TMEM25: variants seen among roughly 807,000 people sequenced by gnomAD.
TMEM25 encodes transmembrane protein 25.
Under a neutral mutation model 37.0 loss-of-function variants are expected in TMEM25, and 36 were observed. The ratio of observed to expected loss-of-function variants is 0.97; its 90% CI spans 0.75 to 1.28. The LOEUF (loss-of-function observed/expected upper bound fraction) is 1.28. Among genes scored for constraint, TMEM25 ranks in the 50% most tolerant of loss-of-function variants. The pLI, the probability that TMEM25 is intolerant of heterozygous loss-of-function variation, is 0.00. For synonymous variants in TMEM25, 197 were observed against 203.7 expected, an observed-to-expected ratio of 0.97 and a Z score of 0.28; for missense variants, 444 against 477.9, an observed-to-expected ratio of 0.93 and a Z score of 0.66.
At chr11:118,531,698 C>A (rs537577833) in intron 1 of TMEM25, 77 bp from the exon 2 acceptor site, 11 of 1,113,264 alleles carry the variant, frequency 9.9e-6, no homozygotes, top group Non-Finnish European at 1.4e-5. Context: ...CTTTTTGTTT[C>A]TGGAGAGTAA....
chr11:118,540,396 C>T (rs375289011), downstream of TMEM25, among the ~76,000 whole-genome samples: 8 of 152,300 alleles, frequency 5.3e-5, 1 homozygote, highest in South Asian at 2.1e-4. Context: ...ACTGATTTTG[C>T]GTGTGAGCTC....
rs1348962173 is a variant in TMEM25 at position 118,532,330 on chromosome 11, G to A, written c.251G>A (p.Gly84Glu). ...ACCTCAAGACTGCTGAGCGTGGGAG[G>A]GGAGGCCTTCTCTGGAGGCACCAGC... Reference protein sequence around the residue: ...ASTSRLLSVGGEAFSGGTSTF... With the variant: ...ASTSRLLSVGEEAFSGGTSTF... The change falls in exon 3 of 9, where the codon GGG becomes GAG. Residue 84 changes from glycine to glutamate, a missense_variant. Coordinates refer to ENST00000313236, the MANE Select transcript of TMEM25 (RefSeq NM_032780.4). 1.2e-6 allele frequency: 2 copies of A among 1,614,124 alleles called. No homozygotes were observed. The highest frequency in any genetic ancestry group is 2.7e-5 in the African/African-American group (2 of 74,942).
exon 9 of TMEM25, chr11:118,546,462 G>A: frequency 2.9e-6 from 1 of 347,624 alleles, no homozygotes; most frequent in Non-Finnish European, 5.4e-6. Context: ...CTGCACTCCA[G>A]CCTGGGCATA....
rs1555062393 is a variant in TMEM25, at chr11:118,534,808, C to G, written c.*228C>G. 5.0e-6 allele frequency: 7 copies of G among 1,386,848 alleles called. No homozygotes were observed. Among genetic ancestry groups the G allele is most frequent in the Non-Finnish European group, 6.5e-6 (7 of 1,069,190 alleles). 85.9% of individuals were successfully genotyped at this position (1,386,848 alleles called of 1,614,324 possible). A position where few individuals can be genotyped will look rare whatever the true frequency, so the allele number is the denominator to read the frequency against. ...CAAGGCTACCAGTTGGACGTAAGCC[C>G]CTCATGCTGACTCAGGGTGGGCCCT... On this transcript the variant is annotated 3_prime_UTR_variant, in exon 9 of 9. Coordinates refer to ENST00000313236, the MANE Select transcript of TMEM25 (RefSeq NM_032780.4). This position sits in a 1 kb window ranked among gnomAD's most constrained non-coding sequence, Gnocchi z 4.6.
chr11:118,541,046 G>A (rs1487219696), intron 8 of TMEM25, among the ~76,000 whole-genome samples: 1 of 152,126 alleles, frequency 6.6e-6, no homozygotes, highest in Non-Finnish European at 1.5e-5. Context: ...GCACAACTTT[G>A]TGAACATACT....
At position 118,531,880 on chromosome 11, in the gene TMEM25, CT is replaced by C. The variant is rs782259749; in HGVS notation, c.70+10del. ...AGCCCTTCTGAGCTCAGGTACACCCCTGTTCAGTCGTTGACCAAGTCCTTCT... is the reference window on the plus strand; with the variant it reads ...AGCCCTTCTGAGCTCAGGTACACCCCGTTCAGTCGTTGACCAAGTCCTTCT... On this transcript the variant is annotated intron_variant, in intron 2 of 8. Transcript: ENST00000313236. 3.0e-5 allele frequency: 46 copies of C among 1,551,492 alleles called. No homozygotes were observed. In the East Asian group the frequency reaches 1.1e-3, roughly 36 times the overall value.
downstream of TMEM25, among the ~76,000 whole-genome samples, chr11:118,538,611 G>A (rs370929657): frequency 1.3e-5 from 2 of 151,812 alleles, no homozygotes; most frequent in Admixed American, 6.6e-5. Context: ...GAGAAATGTC[G>A]GCCAGGCATG....
chr11:118,533,869 A>C lies in TMEM25; in HGVS notation c.818A>C (p.His273Pro), dbSNP rs1951414668. ...KEKKTKGPSR[H>P]PSLISSDSNN... ...TCTTTCTCCACAGGCCCCTCCCGGC[A>C]CCCATCTCTGATATCAAGGTAACTC... The change falls in exon 6 of 9, where the codon CAC (histidine) becomes CCC (proline). Residue 273 changes from histidine to proline, a missense_variant. Transcript: ENST00000313236. 6.2e-7 allele frequency: 1 copy of C among 1,614,044 alleles called. No homozygotes were observed. The highest frequency in any genetic ancestry group is 8.5e-7 in the Non-Finnish European group (1 of 1,179,994).
intron 8 of TMEM25, chr11:118,545,438 A>C: frequency 6.2e-7 from 1 of 1,613,578 alleles, no homozygotes; most frequent in Non-Finnish European, 8.5e-7. Context: ...GAGTAGAGGG[A>C]AAAGAGCAGA....
chr11:118,537,171 T>C (rs1159490789), downstream of TMEM25, among the ~76,000 whole-genome samples: 1 of 151,988 alleles, frequency 6.6e-6, no homozygotes, highest in East Asian at 1.9e-4. Context: ...TGAAACCCCA[T>C]CTCTACTAAA....
Position 118,532,156 on chromosome 11 carries a change from G to A in TMEM25, c.77G>A (p.Gly26Glu), listed in dbSNP as rs1555058978. 2 of 1,563,136 alleles carry A rather than the reference G, an allele frequency of 1.3e-6. No individual in the cohort carries two copies. The highest frequency in any genetic ancestry group is 1.7e-6 in the Non-Finnish European group (2 of 1,152,826). ...GCCTCCTGCTGTGTTCCAGGTTGGG[G>A]GGAGTTGGAGCCACAAATAGATGGT... ...LLPALLSSGW[G>E]ELEPQIDGQT... Residue 26 changes from glycine to glutamate, a missense_variant, in exon 3 of 9, where the codon GGG becomes GAG. Coordinates refer to ENST00000313236, the MANE Select transcript of TMEM25 (RefSeq NM_032780.4).
rs782394568 is a variant in TMEM25, at chr11:118,534,373, T to C, written c.1027+18T>C. ...CAGCCAAGGTACTGGGGAAGGGGCC[T>C]GCCACCCTCCTCCTCTGCCCCCCAG... On this transcript the variant is annotated intron_variant, in intron 8 of 8. Transcript: ENST00000313236. The surrounding 1 kb of genome is among the most constrained non-coding windows in gnomAD (Gnocchi z 4.6). The C allele has an allele frequency of 2.5e-6, 4 of 1,613,114 alleles. No homozygotes were observed. Among genetic ancestry groups the C allele is most frequent in the Non-Finnish European group, 3.4e-6 (4 of 1,179,576 alleles).
chr11:118,533,971 C>T, intron 6 of TMEM25, 58 bp from the exon 7 acceptor site: 1 of 1,613,266 alleles, frequency 6.2e-7, no homozygotes, highest in Admixed American at 1.7e-5. Context: ...CTGGTAGAGG[C>T]AGCCATGAGT....
At chr11:118,543,286 A>G (rs1214765147) in intron 8 of TMEM25, among the ~76,000 whole-genome samples, 2 of 152,162 alleles carry the variant, frequency 1.3e-5, no homozygotes, top group African/African-American at 2.4e-5. Flanking sequence ...TGTAAGAAAC[A>G]GTTCCTCTCC....
Position 118,543,510 on chromosome 11 carries a change from A to G in TMEM25, c.1028-2609A>G, listed in dbSNP as rs145239021. Among the ~76,000 whole-genome samples, 27 of 152,086 alleles carry G rather than the reference A, an allele frequency of 1.8e-4. No individual in the cohort carries two copies. The East Asian group carries it at 3.9e-3, about 22-fold the overall frequency. ...CATATTATTATATATTTTTTTGAGA[A>G]AGAGTTTTGCTCTGTTGCCCAGGCT... On this transcript the variant is annotated intron_variant, in intron 8 of 8. Coordinates refer to the TMEM25 transcript ENST00000354284.
intron 5 of TMEM25, 146 bp downstream of exon 5, chr11:118,533,697 A>G (rs2135394622): frequency 6.4e-7 from 1 of 1,565,244 alleles, no homozygotes; most frequent in Non-Finnish European, 8.8e-7. Context: ...CATGCATCCC[A>G]GGTAGCAGGG....
At chr11:118,545,635 A>C in intron 8 of TMEM25, 3 of 1,068,432 alleles carry the variant, frequency 2.8e-6, no homozygotes. Context: ...GTAGTCACAT[A>C]AGCCAAACAC....
chr11:118,532,544 A>T, intron 3 of TMEM25, 83 bp downstream of exon 3: 1 of 1,468,620 alleles, frequency 6.8e-7, no homozygotes, highest in Non-Finnish European at 9.1e-7. Flanking sequence ...TCCGCAGGAC[A>T]TTTAGCAGAC....
At position 118,535,644 on chromosome 11, in the gene TMEM25, A is replaced by T; in HGVS notation, c.*1064A>T. 1 of 1,521,616 alleles carries T rather than the reference A, an allele frequency of 6.6e-7. No homozygotes were observed. Among genetic ancestry groups the T allele is most frequent in the Non-Finnish European group, 8.8e-7 (1 of 1,136,008 alleles). 94.3% of individuals were successfully genotyped at this position (1,521,616 alleles called of 1,614,324 possible). A position where few individuals can be genotyped will look rare whatever the true frequency, so the allele number is the denominator to read the frequency against. The stretch of plus-strand genomic sequence containing the variant: ...GGAAGCTTTAGGGGAACATGGAGAA[A>T]GAAGGAGACCACATACCCCAAAGTG... On this transcript the variant is annotated 3_prime_UTR_variant, in exon 9 of 9. Coordinates refer to ENST00000313236, the MANE Select transcript of TMEM25 (RefSeq NM_032780.4).
Sources: gnomAD v4.1 joint callset for allele counts (sites outside exome capture counted in the v4.1 genomes callset) on GRCh38, gnomAD v4.1.1 for gene constraint, Gnocchi (gnomAD v3.1) non-coding constraint, MANE v1.5 for transcripts, NCBI Gene and HGNC (gene_info 2026-07-23, HGNC 2026-07-21) for gene names.